Variants in SEPTIN9 observed in about 807,000 individuals in gnomAD.
The protein encoded by SEPTIN9 is septin-9.
A neutral mutation model predicts 56.6 loss-of-function variants in SEPTIN9; 13 were observed. The observed-to-expected ratio is 0.23, with a 90% CI of 0.15 to 0.37. SEPTIN9 has a LOEUF of 0.37. SEPTIN9 is among the 10% of genes least tolerant of loss of function. SEPTIN9 has a pLI of 1.00. For missense variants in SEPTIN9, 650 were observed against 823.1 expected (o/e 0.79, Z 2.57); for synonymous variants, 332 against 334.1 (o/e 0.99, Z 0.07).
intron 3 of SEPTIN9, among the ~76,000 whole-genome samples, chr17:77,419,017 C>G (rs1049536030): frequency 1.3e-5 from 2 of 152,230 alleles, no homozygotes; most frequent in South Asian, 2.1e-4. Flanking sequence ...AAAGCCCAGC[C>G]TGAAGCCTTA....
At chr17:77,406,166 C>T (rs913703989) in intron 3 of SEPTIN9, among the ~76,000 whole-genome samples, 3 of 152,226 alleles carry the variant, frequency 2.0e-5, no homozygotes, top group African/African-American at 7.2e-5. Context: ...CCGTGCTGAG[C>T]CTTCTCTGCT....
rs573988930 is a variant in SEPTIN9, at chr17:77,412,573, C to CA, written c.721+9875dup. 7.3e-4 allele frequency among the ~76,000 whole-genome samples: 111 copies of CA among 152,146 alleles called. No individual in the cohort carries two copies. In the East Asian group the frequency reaches 0.017, roughly 23 times the overall value. ...GCAACATGGCAAAACCGCATCTCTG[C>CA]AAAAATTAGCTGGGTGAGGTGGTGC... On this transcript the variant is annotated intron_variant, in intron 3 of 11. Transcript: ENST00000427177.
rs942148230 is a variant in SEPTIN9 at position 77,395,699 on chromosome 17, C to T, written c.77-6360C>T. Among the ~76,000 whole-genome samples, 34 of 152,090 alleles carry T rather than the reference C, an allele frequency of 2.2e-4. 1 individual carries two copies. The highest frequency in any genetic ancestry group is 4.3e-4 in the Non-Finnish European group (29 of 68,016). Reference sequence around the variant, plus strand: ...CTGCCCGGGTGTGAGTGTGTGTGTGCGTGCAAACTGCACATGTGTGTATGA... The same window carrying T: ...CTGCCCGGGTGTGAGTGTGTGTGTGTGTGCAAACTGCACATGTGTGTATGA... On this transcript the variant is annotated intron_variant, in intron 2 of 11. Transcript: ENST00000427177.
chr17:77,398,163 C>T (rs1427613169), intron 2 of SEPTIN9, among the ~76,000 whole-genome samples: 1 of 151,874 alleles, frequency 6.6e-6, no homozygotes, highest in African/African-American at 2.4e-5. Context: ...TTAGTGGAGT[C>T]GGGGCTTTGC....
At chr17:77,348,140 A>G (rs1415102555) in intron 2 of SEPTIN9, among the ~76,000 whole-genome samples, 3 of 152,056 alleles carry the variant, frequency 2.0e-5, no homozygotes, top group Non-Finnish European at 4.4e-5. Context: ...CCGCCTTTTA[A>G]TTGGAATATT....
At chr17:77,423,984 G>A (rs191407173) in intron 3 of SEPTIN9, among the ~76,000 whole-genome samples, 56 of 152,262 alleles carry the variant, frequency 3.7e-4, no homozygotes, top group Non-Finnish European at 6.8e-4. Flanking sequence ...CTGGGAGCCT[G>A]TCCTTGGCTC....
chr17:77,354,337 T>C (rs118076258), intron 2 of SEPTIN9, among the ~76,000 whole-genome samples: 189 of 152,328 alleles, frequency 1.2e-3, no homozygotes, highest in Middle Eastern at 6.8e-3. Flanking sequence ...CGCTCACTCA[T>C]GCGGCAGGCG....
chr17:77,374,582 G>C (rs1488330364), intron 2 of SEPTIN9: 1 of 152,436 alleles, frequency 6.6e-6, no homozygotes, highest in African/African-American at 2.4e-5. Context: ...TGGTGGGCCG[G>C]GAGGGGGAAA....
At chr17:77,455,134 T>G (rs142156780) in intron 3 of SEPTIN9, among the ~76,000 whole-genome samples, 1 of 151,988 alleles carries the variant, frequency 6.6e-6, no homozygotes, top group African/African-American at 2.4e-5. Context: ...AGTTGGACCA[T>G]GGGCAGAAGC....
At chr17:77,328,880 G>T (rs1241375139) in intron 2 of SEPTIN9, among the ~76,000 whole-genome samples, 2 of 152,230 alleles carry the variant, frequency 1.3e-5, no homozygotes, top group African/African-American at 4.8e-5. Flanking sequence ...ATCTGTGTGT[G>T]TGGCGAGGGG....
chr17:77,310,517 C>T lies in SEPTIN9; in HGVS notation c.76+3320C>T, dbSNP rs73369796. On this transcript the variant is annotated intron_variant, in intron 2 of 11. Transcript: ENST00000427177. The surrounding 1 kb of genome is among the most constrained non-coding windows in gnomAD (Gnocchi z 4.7). ...TCTGTGTGGGGAGGCAGAGTTTGCC[C>T]GTCCCGTGGCCCACTGGTGACATCG... Among the ~76,000 whole-genome samples the T allele has an allele frequency of 0.012, 1,778 of 152,248 alleles. 29 individuals carry two copies. Among genetic ancestry groups the T allele is most frequent in the East Asian group, 0.038 (194 of 5,172 alleles).
In SEPTIN9 at chr17:77,456,853, C is replaced by T. The variant is rs116625550; in HGVS notation, c.722-25291C>T. 5.0e-3 allele frequency among the ~76,000 whole-genome samples: 763 copies of T among 152,250 alleles called. 3 individuals carry two copies. The highest frequency in any genetic ancestry group is 0.017 in the African/African-American group (712 of 41,534). On this transcript the variant is annotated intron_variant, in intron 3 of 11. Transcript: ENST00000427177. The surrounding 1 kb of genome is among the most constrained non-coding windows in gnomAD (Gnocchi z 6.0). The stretch of plus-strand genomic sequence containing the variant: ...CAAGTCCCCACGGCCAATACCAGAT[C>T]CCAGTGACCAGCACTAGATGTCCAC...
intron 3 of SEPTIN9, among the ~76,000 whole-genome samples, chr17:77,432,859 C>T (rs979113259): frequency 1.3e-5 from 2 of 152,238 alleles, no homozygotes; most frequent in Non-Finnish European, 2.9e-5. Context: ...TGAGCTGTGG[C>T]CTGACCACAG....
rs570213297 is a variant in SEPTIN9 at position 77,371,520 on chromosome 17, C to T, written c.77-30539C>T. Among the ~76,000 whole-genome samples the T allele has an allele frequency of 6.6e-6, 1 of 152,296 alleles. No individual in the cohort carries two copies. Among genetic ancestry groups the T allele is most frequent in the South Asian group, 2.1e-4 (1 of 4,824 alleles). Reference sequence around the variant, plus strand: ...GCTGTGGCTTAGGATGGCTGTTGTGCCGGACCCGGCATCTTCCCAGGGGGG... The same window carrying T: ...GCTGTGGCTTAGGATGGCTGTTGTGTCGGACCCGGCATCTTCCCAGGGGGG... On this transcript the variant is annotated intron_variant, in intron 2 of 11. Transcript: ENST00000427177. This position sits in a 1 kb window ranked among gnomAD's most constrained non-coding sequence, Gnocchi z 4.1.
chr17:77,331,459 G>T (rs915968486), intron 2 of SEPTIN9, among the ~76,000 whole-genome samples: 2 of 152,072 alleles, frequency 1.3e-5, no homozygotes, highest in Admixed American at 6.6e-5. Context: ...AGGTTATGAA[G>T]CACTGGGCAT....
chr17:77,334,186 G>A (rs2033458391), intron 2 of SEPTIN9, among the ~76,000 whole-genome samples: 1 of 152,134 alleles, frequency 6.6e-6, no homozygotes, highest in Non-Finnish European at 1.5e-5. Flanking sequence ...ACTTTGGGAG[G>A]CCGAGGCGGG....
chr17:77,475,971 CA>C lies in SEPTIN9; in HGVS notation c.722-6172del. On this transcript the variant is annotated intron_variant, in intron 3 of 11. Transcript: ENST00000427177. This position sits in a 1 kb window ranked among gnomAD's most constrained non-coding sequence, Gnocchi z 4.6. ...AGGTGTGGGTTGGGTTTGGGGAAGA[CA>C]GGGGAATGGCATTGACTTGACCCTG... The C allele has an allele frequency of 6.6e-7, 1 of 1,513,284 alleles. No individual in the cohort carries two copies. Among genetic ancestry groups the C allele is most frequent in the Non-Finnish European group, 9.0e-7 (1 of 1,108,584 alleles). The allele number at this position is 1,513,284 out of a possible 1,614,324, so 93.7% of individuals were successfully genotyped here.
intron 2 of SEPTIN9, among the ~76,000 whole-genome samples, chr17:77,372,502 C>T (rs1032631442): frequency 6.6e-6 from 1 of 152,214 alleles, no homozygotes; most frequent in Non-Finnish European, 1.5e-5. Flanking sequence ...CCTTTCTGCT[C>T]ACTCACTGCC....
At chr17:77,493,130 C>A in intron 10 of SEPTIN9, 54 bp downstream of exon 10, 1 of 1,392,040 alleles carries the variant, frequency 7.2e-7, no homozygotes, top group Non-Finnish European at 1.0e-6. Context: ...GTCTCTTCTG[C>A]TGACCCAGAG....
Sources: allele counts gnomAD v4.1 joint callset (sites outside exome capture counted in the v4.1 genomes callset), GRCh38; gene constraint gnomAD v4.1.1; non-coding constraint Gnocchi (gnomAD v3.1); transcripts MANE v1.5; gene names NCBI Gene and HGNC (gene_info 2026-07-23, HGNC 2026-07-21).